TEX9: variants seen among roughly 807,000 people sequenced by gnomAD.
TEX9 encodes testis expressed 9.
Under a neutral mutation model 59.6 loss-of-function variants are expected in TEX9, and 74 were observed. The ratio of observed to expected loss-of-function variants is 1.24; its 90% CI spans 1.03 to 1.51. The LOEUF is 1.51. TEX9 is among the 40% of genes most tolerant of loss of function. The pLI, the probability that TEX9 is intolerant of heterozygous loss-of-function variation, is 0.00. For missense variants in TEX9, 522 were observed against 447.8 expected (o/e 1.17, Z -1.49); for synonymous variants, 186 against 152.2 (o/e 1.22, Z -1.64).
intron 1 of TEX9, among the ~76,000 whole-genome samples, chr15:56,258,097 G>C (rs1354652675): frequency 1.3e-5 from 2 of 152,124 alleles, no homozygotes; most frequent in Admixed American, 1.3e-4. Flanking sequence ...TCAGATGGTT[G>C]TAAGTGTGTG....
At chr15:56,283,533 T>C (rs1427122150) in intron 1 of TEX9, among the ~76,000 whole-genome samples, 1 of 152,178 alleles carries the variant, frequency 6.6e-6, no homozygotes, top group Non-Finnish European at 1.5e-5. Context: ...ATAAATTATG[T>C]TGGAGCAATT....
In TEX9 at chr15:56,445,079, T is replaced by C. The variant is rs1212426138; in HGVS notation, c.*30-592T>C. ...TTGTTTATCAGCTGCTATTTAAAGATGGTACTGCCTCTTTCTTACAGGTCT... is the reference window on the plus strand; with the variant it reads ...TTGTTTATCAGCTGCTATTTAAAGACGGTACTGCCTCTTTCTTACAGGTCT... On this transcript the variant is annotated intron_variant, in intron 12 of 12. Coordinates refer to ENST00000352903, the Ensembl canonical transcript of TEX9. 5.3e-5 allele frequency among the ~76,000 whole-genome samples: 8 copies of C among 152,180 alleles called. 1 individual carries two copies. Among genetic ancestry groups the C allele is most frequent in the Admixed American group, 2.6e-4 (4 of 15,290 alleles).
At chr15:56,370,397 A>G (rs1057229403) in intron 2 of TEX9, among the ~76,000 whole-genome samples, 4 of 152,080 alleles carry the variant, frequency 2.6e-5, no homozygotes, top group South Asian at 2.1e-4. Flanking sequence ...TCCAGATTCA[A>G]TTTCCTCCTT....
chr15:56,384,011 C>G (rs757074998), exon 4 of TEX9: 2 of 1,611,890 alleles, frequency 1.2e-6, no homozygotes, highest in Admixed American at 1.7e-5. Flanking sequence ...CATGTGATGA[C>G]GAAGATGATT....
chr15:56,324,746 A>G (rs1306564719), intron 1 of TEX9, among the ~76,000 whole-genome samples: 1 of 152,150 alleles, frequency 6.6e-6, no homozygotes, highest in East Asian at 1.9e-4. Flanking sequence ...CTTCGGCTAG[A>G]TGTTTAGCTA....
chr15:56,359,941 C>A (rs1361597206), intron 1 of TEX9, among the ~76,000 whole-genome samples: 1 of 152,132 alleles, frequency 6.6e-6, no homozygotes, highest in African/African-American at 2.4e-5. Flanking sequence ...TTTGTACCTT[C>A]AGGGGTGTTG....
the TEX9 span, among the ~76,000 whole-genome samples, chr15:56,452,592 C>G: frequency 6.6e-6 from 1 of 150,996 alleles, no homozygotes; most frequent in Non-Finnish European, 1.5e-5. Context: ...GATCTTGGCT[C>G]ACTGCAAGCT....
chr15:56,419,326 G>T (rs1351143678), intron 10 of TEX9, among the ~76,000 whole-genome samples: 3 of 151,742 alleles, frequency 2.0e-5, no homozygotes, highest in South Asian at 2.1e-4. Context: ...ACTAGTAAAT[G>T]CTTTGGCTTT....
chr15:56,338,904 G>A (rs1362021507), intron 1 of TEX9, among the ~76,000 whole-genome samples: 2 of 152,042 alleles, frequency 1.3e-5, no homozygotes, highest in Non-Finnish European at 2.9e-5. Context: ...GGCAACGAGA[G>A]TGAAACATTG....
At chr15:56,275,697 A>G (rs965930670) in intron 1 of TEX9, among the ~76,000 whole-genome samples, 5 of 151,978 alleles carry the variant, frequency 3.3e-5, no homozygotes, top group African/African-American at 1.2e-4. Flanking sequence ...TATTGTCGTT[A>G]TTTTTTTAAA....
intron 12 of TEX9, among the ~76,000 whole-genome samples, chr15:56,439,445 C>G (rs1351924366): frequency 2.0e-4 from 5 of 25,030 alleles, no homozygotes; most frequent in African/African-American, 4.2e-4. Flanking sequence ...ACTAGAATAG[C>G]TAAAAAAAAA....
intron 1 of TEX9, among the ~76,000 whole-genome samples, chr15:56,336,640 A>T (rs1354961128): frequency 2.0e-5 from 3 of 152,178 alleles, no homozygotes; most frequent in African/African-American, 7.2e-5. Context: ...AGGAGATTTA[A>T]TGGGGAGTAG....
At chr15:56,405,108 T>G (rs1200326041) in intron 9 of TEX9, among the ~76,000 whole-genome samples, 1 of 152,078 alleles carries the variant, frequency 6.6e-6, no homozygotes, top group Non-Finnish European at 1.5e-5. Flanking sequence ...TGTGCACATG[T>G]ACCCTAGAAC....
At chr15:56,401,308 CAAAAAAAAA>C (rs1207055803) in intron 9 of TEX9, among the ~76,000 whole-genome samples, 4 of 46,772 alleles carry the variant, frequency 8.6e-5, no homozygotes, top group Admixed American at 3.2e-4. Context: ...AAATTGAAAG[CAAAAAAAAA>C]AAAAAAAAAA....
chr15:56,255,599 G>A (rs1192942039), intron 1 of TEX9, among the ~76,000 whole-genome samples: 2 of 151,996 alleles, frequency 1.3e-5, no homozygotes, highest in East Asian at 3.9e-4. Flanking sequence ...AGACAAAAAA[G>A]AATAATGCGA....
At chr15:56,362,390 T>C (rs552525260), upstream of TEX9, among the ~76,000 whole-genome samples, 1 of 152,340 alleles carries the variant, frequency 6.6e-6, no homozygotes, top group African/African-American at 2.4e-5. Flanking sequence ...ACCTCTATCA[T>C]TAATGCTCCT....
intron 1 of TEX9, among the ~76,000 whole-genome samples, chr15:56,336,475 A>C (rs1449987408): frequency 1.3e-5 from 2 of 152,132 alleles, no homozygotes; most frequent in African/African-American, 4.8e-5. Flanking sequence ...TGCAATCCGG[A>C]AGAGGGCCCT....
At chr15:56,278,643 A>G (rs1423484805) in intron 1 of TEX9, among the ~76,000 whole-genome samples, 1 of 152,096 alleles carries the variant, frequency 6.6e-6, no homozygotes, top group Non-Finnish European at 1.5e-5. Flanking sequence ...TCTCTTAAAC[A>G]CTATATTTAT....
intron 1 of TEX9, among the ~76,000 whole-genome samples, chr15:56,267,372 T>G (rs1489698127): frequency 1.3e-5 from 2 of 152,222 alleles, no homozygotes; most frequent in Non-Finnish European, 2.9e-5. Context: ...TTGCCATTGC[T>G]TTTGGTGTTT....
Sources: allele counts gnomAD v4.1 joint callset (sites outside exome capture counted in the v4.1 genomes callset), GRCh38; gene constraint gnomAD v4.1.1; transcripts MANE v1.5; gene names NCBI Gene and HGNC (gene_info 2026-07-23, HGNC 2026-07-21).